The following TNS3 variants were observed in gnomAD, a reference collection of about 807,000 sequenced individuals.
The protein encoded by TNS3 is tensin 3.
TNS3 carries 45 observed loss-of-function variants against 140.9 expected under a neutral mutation model. The ratio of observed to expected loss-of-function variants is 0.32; its 90% confidence interval spans 0.25 to 0.41. TNS3 has a LOEUF of 0.41. TNS3 is among the 10% of genes least tolerant of loss of function. TNS3 has a pLI of 1.00. For synonymous variants in TNS3, 815 were observed against 788.4 expected (o/e 1.03, Z -0.56); for missense variants, 1,716 against 1,906.7 (o/e 0.90, Z 1.86).
At chr7:47,550,105 C>T (rs895524794) in intron 1 of TNS3, among the ~76,000 whole-genome samples, 3 of 149,394 alleles carry the variant, frequency 2.0e-5, no homozygotes, top group South Asian at 2.2e-4. Flanking sequence ...CAGGGTGGAT[C>T]GGGCAAGGTC....
intron 1 of TNS3, among the ~76,000 whole-genome samples, chr7:47,565,862 A>C (rs1276795868): frequency 2.6e-5 from 4 of 152,188 alleles, no homozygotes; most frequent in Non-Finnish European, 5.9e-5. Flanking sequence ...AGTTCTCCTA[A>C]GTATGAGAAC....
intron 16 of TNS3, among the ~76,000 whole-genome samples, chr7:47,380,399 G>A (rs981318775): frequency 6.6e-6 from 1 of 152,212 alleles, no homozygotes; most frequent in East Asian, 1.9e-4. Context: ...GGCCACCCAC[G>A]CCGGCTGGCC....
chr7:47,387,482 G>A lies in TNS3; in HGVS notation c.1024+9318C>T, dbSNP rs540128645. ...TGGTGGTCTCCTAGCCCAGATGGCC[G>A]AATGGGGCCAGAGATGCAGGCCATG... On this transcript the variant is annotated intron_variant, in intron 16 of 30. Transcript: ENST00000311160. 8.5e-5 allele frequency among the ~76,000 whole-genome samples: 13 copies of A among 152,334 alleles called. No individual in the cohort carries two copies. The East Asian group carries it at 2.1e-3, about 25-fold the overall frequency.
At chr7:47,496,370 TC>T (rs1465241843) in intron 3 of TNS3, among the ~76,000 whole-genome samples, 2 of 152,036 alleles carry the variant, frequency 1.3e-5, no homozygotes, top group South Asian at 4.1e-4. Context: ...GAGGGACGTT[TC>T]CCCTGTGACC....
chr7:47,572,181 A>G (rs1483220002), intron 1 of TNS3, among the ~76,000 whole-genome samples: 3 of 152,234 alleles, frequency 2.0e-5, no homozygotes, highest in Admixed American at 1.3e-4. Flanking sequence ...TTTACTCACA[A>G]ATAGCCCGGC....
chr7:47,367,428 T>C (rs1345779255), intron 17 of TNS3, among the ~76,000 whole-genome samples: 1 of 152,172 alleles, frequency 6.6e-6, no homozygotes, highest in Non-Finnish European at 1.5e-5. Context: ...CCCCATTACA[T>C]CGATGCAGCT....
At chr7:47,480,860 C>A (rs778927896) in intron 4 of TNS3, among the ~76,000 whole-genome samples, 4 of 152,206 alleles carry the variant, frequency 2.6e-5, no homozygotes, top group Non-Finnish European at 5.9e-5. Flanking sequence ...GTAACTATTA[C>A]TGATAGAAAG....
intron 10 of TNS3, among the ~76,000 whole-genome samples, chr7:47,422,487 C>A (rs1408381607): frequency 1.1e-4 from 16 of 152,158 alleles, no homozygotes; most frequent in Non-Finnish European, 1.6e-4. Context: ...GTGATGTGCG[C>A]CTATAGTCTC....
intron 1 of TNS3, among the ~76,000 whole-genome samples, chr7:47,578,565 G>C (rs887456956): frequency 1.3e-5 from 2 of 152,004 alleles, no homozygotes; most frequent in Non-Finnish European, 2.9e-5. Flanking sequence ...GGGTTGGGGG[G>C]GGGCGGTGGT....
At chr7:47,388,348 G>A (rs1179256115) in intron 16 of TNS3, among the ~76,000 whole-genome samples, 3 of 152,184 alleles carry the variant, frequency 2.0e-5, no homozygotes, top group African/African-American at 7.2e-5. Flanking sequence ...TCATGTCTCA[G>A]GGAATCCACC....
intron 17 of TNS3, among the ~76,000 whole-genome samples, chr7:47,347,095 G>A (rs1789389180): frequency 6.6e-6 from 1 of 152,180 alleles, no homozygotes; most frequent in Non-Finnish European, 1.5e-5. Context: ...ATTAAAAGAG[G>A]AATGTTTCTA....
rs1789413594 is a variant in TNS3, at chr7:47,347,497, G to T, written c.2282-1141C>A. On this transcript the variant is annotated intron_variant, in intron 17 of 30. Transcript: ENST00000311160. ...AGAGGAGCAGCAGGACCGCTGTAAGGTTTCTTGTTTCTGTCTGCAGCATGG... is the reference window on the plus strand; with the variant it reads ...AGAGGAGCAGCAGGACCGCTGTAAGTTTTCTTGTTTCTGTCTGCAGCATGG... Among the ~76,000 whole-genome samples the T allele has an allele frequency of 2.0e-5, 3 of 151,906 alleles. No homozygotes were observed. The South Asian group carries it at 6.2e-4, about 32-fold the overall frequency.
At position 47,573,366 on chromosome 7, in the gene TNS3, C is replaced by T. The variant is rs551138854; in HGVS notation, c.-265+8685G>A. Among the ~76,000 whole-genome samples the T allele has an allele frequency of 2.6e-5, 4 of 152,328 alleles. No individual in the cohort carries two copies. In the South Asian group the frequency reaches 6.2e-4, roughly 24 times the overall value. On this transcript the variant is annotated intron_variant, in intron 1 of 30. Transcript: ENST00000311160. ...CCTGGGGACACCCTGCCGCCCTCCA[C>T]GCTGCCTCCCACCAGCCCGCTAGGT...
rs150343841 is a variant in TNS3, at chr7:47,325,405, C to T, written c.2650+19350G>A. 3.3e-5 allele frequency among the ~76,000 whole-genome samples: 5 copies of T among 152,306 alleles called. No individual in the cohort carries two copies. In the East Asian group the frequency reaches 9.6e-4, roughly 29 times the overall value. ...CTTCTCCACCCAGCTATCCATTCTACCTGAGGCTAATCAAGAATCATATGT... is the reference window on the plus strand; with the variant it reads ...CTTCTCCACCCAGCTATCCATTCTATCTGAGGCTAATCAAGAATCATATGT... On this transcript the variant is annotated intron_variant, in intron 20 of 30. Transcript: ENST00000311160.
chr7:47,557,957 AGCAGGCCTCGG>A (rs1183253050), intron 1 of TNS3, among the ~76,000 whole-genome samples: 2 of 152,188 alleles, frequency 1.3e-5, no homozygotes, highest in African/African-American at 4.8e-5. Flanking sequence ...GCCTGCGGTG[AGCAGGCCTCGG>A]GACATCTCTG....
Position 47,385,720 on chromosome 7 carries a change from C to T in TNS3, c.1024+11080G>A, listed in dbSNP as rs572568902. On this transcript the variant is annotated intron_variant, in intron 16 of 30. Coordinates refer to ENST00000311160, the MANE Select transcript of TNS3 (RefSeq NM_022748.12). ...AATACTACGAGAAAGATGGTTTCCT[C>T]GCAGCCTCTTCCCACCCTCAGGAAA... is the stretch of plus-strand genomic sequence containing the variant. Among the ~76,000 whole-genome samples, 6 of 152,306 alleles carry T rather than the reference C, an allele frequency of 3.9e-5. No individual in the cohort carries two copies. The East Asian group carries it at 5.8e-4, about 15-fold the overall frequency.
intron 10 of TNS3, among the ~76,000 whole-genome samples, chr7:47,419,866 C>T (rs901088854): frequency 3.9e-5 from 6 of 152,100 alleles, no homozygotes; most frequent in Admixed American, 3.9e-4. Context: ...TCAGCAGCAC[C>T]CCATTCCCTA....
chr7:47,362,454 G>A (rs536042723), intron 17 of TNS3, among the ~76,000 whole-genome samples: 10 of 152,070 alleles, frequency 6.6e-5, no homozygotes, highest in Non-Finnish European at 1.2e-4. Context: ...TTGCAGTTCC[G>A]CCTGTCCCAG....
chr7:47,332,532 C>A (rs2462640), intron 20 of TNS3, among the ~76,000 whole-genome samples: 151,337 of 152,338 alleles, frequency 0.99, 75,173 homozygotes, highest in Middle Eastern at 1. Flanking sequence ...CCCCAGCCCG[C>A]GAGCTGCCCC....
Sources: gnomAD v4.1 joint callset for allele counts (sites outside exome capture counted in the v4.1 genomes callset) on GRCh38, gnomAD v4.1.1 for gene constraint, MANE v1.5 for transcripts, NCBI Gene and HGNC (gene_info 2026-07-23, HGNC 2026-07-21) for gene names.